Variants in PRAMEF17 observed in about 807,000 individuals in gnomAD.
PRAMEF17 encodes PRAME family member 17.
In PRAMEF17, 48 loss-of-function variants were observed where a neutral mutation model predicts 36.8. The observed-to-expected ratio is 1.30, with a 90% CI of 1.03 to 1.66. The LOEUF (loss-of-function observed/expected upper bound fraction) is 1.66, where lower values mean the gene tolerates loss of function less well. Ranked by LOEUF, PRAMEF17 falls within the 40% of genes most tolerant of loss-of-function variation. The pLI is 0.00. For synonymous variants in PRAMEF17, 246 were observed against 220.4 expected (o/e 1.12, Z -1.03); for missense variants, 639 against 560.6 (o/e 1.14, Z -1.41).
intron 2 of PRAMEF17, 39 bp from the exon 3 acceptor site, chr1:13,391,905 T>C (rs1460438973): frequency 1.9e-6 from 3 of 1,602,836 alleles, no homozygotes; most frequent in African/African-American, 2.7e-5. Context: ...CTCCTCCAAC[T>C]GGCACCATTG....
At chr1:13,391,848 A>G (rs1006491473) in intron 2 of PRAMEF17, 96 bp from the exon 3 acceptor site, 6 of 1,535,402 alleles carry the variant, frequency 3.9e-6, no homozygotes, top group Non-Finnish European at 5.3e-6. Context: ...GTGCAGAATT[A>G]CTCAATGCCC....
Position 13,392,526 on chromosome 1 carries a change from A to G in PRAMEF17, c.*24A>G. On this transcript the variant is annotated 3_prime_UTR_variant, in exon 3 of 3. Transcript: ENST00000376098. ...AGTGAAGGCCTGATTAGTGGGATGGATATGCTTTCTTCAGGACCCTTAGGC... is the reference window on the plus strand; with the variant it reads ...AGTGAAGGCCTGATTAGTGGGATGGGTATGCTTTCTTCAGGACCCTTAGGC... The G allele has an allele frequency of 6.2e-7, 1 of 1,611,744 alleles. No homozygotes were observed. The highest frequency in any genetic ancestry group is 8.5e-7 in the Non-Finnish European group (1 of 1,179,816).
Position 13,389,696 on chromosome 1 carries a change from A to C in PRAMEF17, c.39A>C (p.Ala13=), listed in dbSNP as rs1245960406. 6.2e-7 allele frequency: 1 copy of C among 1,612,066 alleles called. No individual in the cohort carries two copies. Among genetic ancestry groups the C allele is most frequent in the Non-Finnish European group, 8.5e-7 (1 of 1,179,882 alleles). The change falls in exon 1 of 3, where the codon GCA becomes GCC. Residue 13 remains alanine (A), a synonymous_variant. Transcript: ENST00000376098. The part of the protein sequence containing the change: ...LQSPSRLLEL[A]GQSLLRNQFL... ...CCCCATCCAGACTCCTGGAGCTGGC[A>C]GGCCAGAGCCTGCTGAGGAACCAGT...
Position 13,390,706 on chromosome 1 carries a change from T to A in PRAMEF17, c.653T>A (p.Leu218Gln), listed in dbSNP as rs1271672633. 2 of 1,612,020 alleles carry A rather than the reference T, an allele frequency of 1.2e-6. No individual in the cohort carries two copies. Among genetic ancestry groups the A allele is most frequent in the Non-Finnish European group, 1.7e-6 (2 of 1,179,858 alleles). ...TTGGAAATTAAGAGAAAGTGCTCTC[T>A]GAATAAAACAGGAAAGTTTGCCCCT... ...QELEIKRKCS[L>Q]NKTGKFAPYL... The change falls in exon 2 of 3, where the codon CTG becomes CAG. Residue 218 changes from leucine to glutamine, a missense_variant. By Grantham distance (113) the Leu-to-Gln change is moderately radical. Transcript: ENST00000376098.
chr1:13,392,531 C>G lies in PRAMEF17; in HGVS notation c.*29C>G. On this transcript the variant is annotated 3_prime_UTR_variant, in exon 3 of 3. Transcript: ENST00000376098. ...AGGCCTGATTAGTGGGATGGATATG[C>G]TTTCTTCAGGACCCTTAGGCACTAA... 6.2e-7 allele frequency: 1 copy of G among 1,611,758 alleles called. No homozygotes were observed. Among genetic ancestry groups the G allele is most frequent in the Non-Finnish European group, 8.5e-7 (1 of 1,179,796 alleles).
rs1259491873 is a variant in PRAMEF17 at position 13,390,916 on chromosome 1, T to C, written c.863T>C (p.Leu288Pro). 6.2e-7 allele frequency: 1 copy of C among 1,611,894 alleles called. No individual in the cohort carries two copies. The highest frequency in any genetic ancestry group is 1.3e-5 in the African/African-American group (1 of 74,854). The part of the protein sequence containing the change: ...SNIKEHLEHL[L>P]RCLKNPLGTF... Reference sequence around the variant, plus strand: ...ATCAAAGAGCACCTGGAGCACCTGCTCAGGTAAGAAAGGATGGTGAGCTTT... The same window carrying C: ...ATCAAAGAGCACCTGGAGCACCTGCCCAGGTAAGAAAGGATGGTGAGCTTT... The change falls in exon 2 of 3, where the codon CTC becomes CCC. Residue 288 changes from leucine to proline, a missense_variant. Physicochemically the swap from Leu to Pro is moderately conservative, Grantham distance 98. Coordinates refer to ENST00000376098, the MANE Select transcript of PRAMEF17 (RefSeq NM_001099851.3).
chr1:13,391,010 C>T (rs1640874049), intron 2 of PRAMEF17, 91 bp downstream of exon 2: 1 of 1,552,492 alleles, frequency 6.4e-7, no homozygotes. Flanking sequence ...TACTGTGTGC[C>T]AGCCACTGGT....
Position 13,392,557 on chromosome 1 carries a change from A to C in PRAMEF17, c.*55A>C. On this transcript the variant is annotated 3_prime_UTR_variant, in exon 3 of 3. Coordinates refer to ENST00000376098, the MANE Select transcript of PRAMEF17 (RefSeq NM_001099851.3). ...TTTCTTCAGGACCCTTAGGCACTAA[A>C]ATCTAGGACACAGGTGGGTTTTTTT... 6.2e-7 allele frequency: 1 copy of C among 1,604,114 alleles called. No homozygotes were observed. Among genetic ancestry groups the C allele is most frequent in the Non-Finnish European group, 8.5e-7 (1 of 1,177,398 alleles).
At chr1:13,391,795 G>A in intron 2 of PRAMEF17, 149 bp from the exon 3 acceptor site, 1 of 1,226,416 alleles carries the variant, frequency 8.2e-7, no homozygotes, top group Non-Finnish European at 1.2e-6. Flanking sequence ...AGTGAAACAG[G>A]CTTCCCCATT....
rs76434036 is a variant in PRAMEF17, at chr1:13,390,462, G to A, written c.409G>A (p.Asp137Asn). The change falls in exon 2 of 3, where the codon GAC (aspartate) becomes AAC (asparagine). Residue 137 changes from aspartate (D) to asparagine (N), a missense_variant. Coordinates refer to ENST00000376098, the MANE Select transcript of PRAMEF17 (RefSeq NM_001099851.3). ...EAMSKRQTVE[D>N]YPRTGEHQPL... is the part of the protein sequence containing the mutation. ...CATGAGTAAGAGGCAGACAGTGGAG[G>A]ACTATCCAAGGACGGGAGAGCACCA... 1.4e-4 allele frequency: 227 copies of A among 1,611,950 alleles called. 1 individual carries two copies. Among genetic ancestry groups the A allele is most frequent in the Admixed American group, 2.3e-4 (14 of 60,000 alleles).
At position 13,392,449 on chromosome 1, in the gene PRAMEF17, C is replaced by G; in HGVS notation, c.1372C>G (p.Pro458Ala). The G allele has an allele frequency of 6.2e-7, 1 of 1,612,032 alleles. No homozygotes were observed. Among genetic ancestry groups the G allele is most frequent in the South Asian group, 1.1e-5 (1 of 90,996 alleles). ...KRIFFGPIPC[P>A]SCGSWPSEKV... ...GATCTTTTTTGGTCCCATCCCCTGC[C>G]CTTCCTGTGGCTCATGGCCATCTGA... is the stretch of plus-strand genomic sequence containing the variant. Residue 458 changes from proline to alanine, a missense_variant, in exon 3 of 3, where the codon CCT (proline) becomes GCT (alanine). Physicochemically the swap from Pro to Ala is conservative, Grantham distance 27. Coordinates refer to ENST00000376098, the MANE Select transcript of PRAMEF17 (RefSeq NM_001099851.3).
Position 13,390,590 on chromosome 1 carries a change from C to G in PRAMEF17, c.537C>G (p.His179Gln). 6.2e-7 allele frequency: 1 copy of G among 1,611,976 alleles called. No homozygotes were observed. The highest frequency in any genetic ancestry group is 8.5e-7 in the Non-Finnish European group (1 of 1,179,868). ...RWIHYRRGLVHLCCNKVQNYS... is the reference protein window; with the variant it reads ...RWIHYRRGLVQLCCNKVQNYS... Reference sequence around the variant, plus strand: ...TCCACTACAGAAGAGGTCTAGTGCACCTGTGTTGTAATAAGGTGCAGAATT... The same window carrying G: ...TCCACTACAGAAGAGGTCTAGTGCAGCTGTGTTGTAATAAGGTGCAGAATT... The change falls in exon 2 of 3, where the codon CAC becomes CAG. Residue 179 changes from histidine (H) to glutamine (Q), a missense_variant. Physicochemically the swap from His to Gln is conservative, Grantham distance 24. Coordinates refer to ENST00000376098, the MANE Select transcript of PRAMEF17 (RefSeq NM_001099851.3).
In PRAMEF17 at chr1:13,391,333, G is replaced by C. The variant is rs1640877325; in HGVS notation, c.866+414G>C. ...TCACAGCAGAAGCTCCGTCCTCACAGCTTAGTAAACACCAATGAACCTGTC... is the reference window on the plus strand; with the variant it reads ...TCACAGCAGAAGCTCCGTCCTCACACCTTAGTAAACACCAATGAACCTGTC... On this transcript the variant is annotated intron_variant, in intron 2 of 2. Transcript: ENST00000376098. Among the ~76,000 whole-genome samples, 3 of 152,292 alleles carry C rather than the reference G, an allele frequency of 2.0e-5. No individual in the cohort carries two copies. In the South Asian group the frequency reaches 6.2e-4, roughly 32 times the overall value.
chr1:13,391,474 T>C (rs1194762358), intron 2 of PRAMEF17, among the ~76,000 whole-genome samples: 1 of 152,020 alleles, frequency 6.6e-6, no homozygotes, highest in Non-Finnish European at 1.5e-5. Flanking sequence ...TATAAAGTGA[T>C]AGGTGGTTTG....
Position 13,390,548 on chromosome 1 carries a change from C to T in PRAMEF17, c.495C>T (p.Ser165=). Residue 165 remains serine, a synonymous_variant, in exon 2 of 3, where the codon AGC becomes AGT. Transcript: ENST00000376098. ...AAAGTACACTGGATGAATGCCTGAG[C>T]TACCTCTGCAGGTGGATCCACTACA... ...QKESTLDECL[S]YLCRWIHYRR... is the part of the protein sequence containing the mutation. 1 of 1,612,012 alleles carries T rather than the reference C, an allele frequency of 6.2e-7. No homozygotes were observed. The highest frequency in any genetic ancestry group is 1.3e-5 in the African/African-American group (1 of 74,972).
At position 13,389,747 on chromosome 1, in the gene PRAMEF17, G is replaced by A; in HGVS notation, c.90G>A (p.Glu30=). Residue 30 remains glutamate (E), a synonymous_variant, in exon 1 of 3, where the codon GAG becomes GAA. Coordinates refer to ENST00000376098, the MANE Select transcript of PRAMEF17 (RefSeq NM_001099851.3). ...NQFLTIFILD[E]LPREVFPLMF... is the part of the protein sequence containing the mutation. ...TCTTGACCATCTTCATCCTGGACGA[G>A]CTGCCCAGGGAGGTCTTCCCTCTGA... is the stretch of plus-strand genomic sequence containing the variant. 6.2e-7 allele frequency: 1 copy of A among 1,612,394 alleles called. No individual in the cohort carries two copies. The highest frequency in any genetic ancestry group is 8.5e-7 in the Non-Finnish European group (1 of 1,180,026).
At position 13,390,369 on chromosome 1, in the gene PRAMEF17, C is replaced by A. The variant is rs769537184; in HGVS notation, c.316C>A (p.Arg106=). 25 of 1,611,720 alleles carry A rather than the reference C, an allele frequency of 1.6e-5. No homozygotes were observed. Among genetic ancestry groups the A allele is most frequent in the South Asian group, 4.4e-5 (4 of 90,986 alleles). The change falls in exon 2 of 3, where the codon CGG becomes AGG. Residue 106 remains arginine (R), a synonymous_variant. Transcript: ENST00000376098. Reference sequence around the variant, plus strand: ...GTGGAAACTTCAAGTGCTGGATTTGCGGGATGTTGATGGGAATTTCTGGAC... The same window carrying A: ...GTGGAAACTTCAAGTGCTGGATTTGAGGGATGTTGATGGGAATTTCTGGAC... ...RRWKLQVLDL[R]DVDGNFWTIW...
Position 13,389,937 on chromosome 1 carries a change from C to T in PRAMEF17, c.280C>T (p.Arg94Cys), listed in dbSNP as rs878949864. The change falls in exon 1 of 3, where the codon CGC becomes TGC. Residue 94 changes from arginine (R) to cysteine (C), a missense_variant. Arg to Cys is a radical substitution (Grantham distance 180). Transcript: ENST00000376098. ...TGATACACTGCTGGCCCAGAAGCTT[C>T]GCCCCAGGTGAGGTGACTCAGGTGG... The part of the protein sequence containing the change: ...GLDTLLAQKL[R>C]PRRWKLQVLD... 96 of 1,612,556 alleles carry T rather than the reference C, an allele frequency of 6.0e-5. No homozygotes were observed. In the East Asian group the frequency reaches 7.6e-4, roughly 13 times the overall value.
chr1:13,389,632 G>C lies in PRAMEF17; in HGVS notation c.-26G>C, dbSNP rs1225003079. 6.2e-7 allele frequency: 1 copy of C among 1,611,840 alleles called. No individual in the cohort carries two copies. The highest frequency in any genetic ancestry group is 1.3e-5 in the African/African-American group (1 of 74,834). ...TGCCTTTTCACTGGATTGTCCTCTA[G>C]AGTTTTTCACTGGAGATTTGTCAGA... is the stretch of plus-strand genomic sequence containing the variant. On this transcript the variant is annotated 5_prime_UTR_variant, in exon 1 of 3. Coordinates refer to ENST00000376098, the MANE Select transcript of PRAMEF17 (RefSeq NM_001099851.3).
Sources: allele counts gnomAD v4.1 joint callset (sites outside exome capture counted in the v4.1 genomes callset), GRCh38; gene constraint gnomAD v4.1.1; transcripts MANE v1.5; gene names NCBI Gene and HGNC (gene_info 2026-07-23, HGNC 2026-07-21).